The following RAB38 variants were observed in gnomAD, a reference collection of about 807,000 sequenced individuals.
RAB38 encodes ras-related protein Rab-38.
A neutral mutation model predicts 18.4 loss-of-function variants in RAB38; 15 were observed. The ratio of observed to expected loss-of-function variants is 0.82; its 90% CI spans 0.55 to 1.26. The LOEUF (loss-of-function observed/expected upper bound fraction) is 1.26. RAB38 is among the 50% of genes most tolerant of loss of function. The pLI is 0.00. For missense variants in RAB38, 294 were observed against 267.4 expected, an observed-to-expected ratio of 1.10 and a Z score of -0.69; for synonymous variants, 101 against 104.4, an observed-to-expected ratio of 0.97 and a Z score of 0.20.
At position 88,162,117 on chromosome 11, in the gene RAB38, CAG is replaced by C. The variant is rs1943194374; in HGVS notation, c.203-12164_203-12163del. The stretch of plus-strand genomic sequence containing the variant: ...TCAGTGGAAACCCACATACTGAAAT[CAG>C]AGTCAGGCTGACATCCTAGTGATGG... On this transcript the variant is annotated intron_variant, in intron 1 of 2. Coordinates refer to ENST00000243662, the MANE Select transcript of RAB38 (RefSeq NM_022337.3). Among the ~76,000 whole-genome samples, 4 of 152,230 alleles carry C rather than the reference CAG, an allele frequency of 2.6e-5. No homozygotes were observed. In the South Asian group the frequency reaches 8.3e-4, roughly 32 times the overall value.
At chr11:87,903,277 TATAA>T in the RAB38 span, among the ~76,000 whole-genome samples, 1 of 151,588 alleles carries the variant, frequency 6.6e-6, no homozygotes, top group East Asian at 1.9e-4. Flanking sequence ...GGCATATTTT[TATAA>T]ATAAATACAA....
chr11:88,085,251 G>T, the RAB38 span, among the ~76,000 whole-genome samples: 1 of 151,908 alleles, frequency 6.6e-6, no homozygotes, highest in African/African-American at 2.4e-5. Flanking sequence ...TCTCTTGTGG[G>T]TTAACCCTTC....
rs494680 is a variant in RAB38 at position 88,113,428 on chromosome 11, A to G, written c.*560T>C. 17,275 of 153,696 alleles carry G rather than the reference A, an allele frequency of 0.11. 1,506 individuals are homozygous for G. Among genetic ancestry groups the G allele is most frequent in the East Asian group, 0.41 (2,104 of 5,192 alleles). 9.5% of individuals were successfully genotyped at this position (153,696 alleles called of 1,614,324 possible). A position where few individuals can be genotyped will look rare whatever the true frequency, so the allele number is the denominator to read the frequency against. Reference sequence around the variant, plus strand: ...ATTCAGTTAAGCCAACATTCAGGCCATGGCAAGTGACAGTTAGGACAAGGA... The same window carrying G: ...ATTCAGTTAAGCCAACATTCAGGCCGTGGCAAGTGACAGTTAGGACAAGGA... On this transcript the variant is annotated 3_prime_UTR_variant, in exon 3 of 3. Coordinates refer to ENST00000243662, the MANE Select transcript of RAB38 (RefSeq NM_022337.3).
rs1942940011 is a variant in RAB38, at chr11:88,143,327, A to C, written c.483+6348T>G. Among the ~76,000 whole-genome samples the C allele has an allele frequency of 2.6e-5, 4 of 152,376 alleles. No homozygotes were observed. In the East Asian group the frequency reaches 7.7e-4, roughly 29 times the overall value. Reference sequence around the variant, plus strand: ...TTCTTATTTTGAGACATCAGTGGTAAACTTTGAAGCATAAAGGGTCAGATG... The same window carrying C: ...TTCTTATTTTGAGACATCAGTGGTACACTTTGAAGCATAAAGGGTCAGATG... On this transcript the variant is annotated intron_variant, in intron 2 of 2. Transcript: ENST00000243662.
At chr11:87,832,803 T>C in the RAB38 span, among the ~76,000 whole-genome samples, 1 of 151,922 alleles carries the variant, frequency 6.6e-6, no homozygotes, top group South Asian at 2.1e-4. Context: ...GCTTTGTATT[T>C]TAAAGTCCCT....
the RAB38 span, among the ~76,000 whole-genome samples, chr11:88,083,044 T>A: frequency 1.3e-5 from 2 of 151,882 alleles, no homozygotes; most frequent in African/African-American, 4.8e-5. Context: ...TAAGCACGAA[T>A]AGATACGCTC....
chr11:88,158,070 A>C (rs1943147205), intron 1 of RAB38, among the ~76,000 whole-genome samples: 1 of 152,146 alleles, frequency 6.6e-6, no homozygotes, highest in Non-Finnish European at 1.5e-5. Flanking sequence ...AGATCCAAAA[A>C]AGCCCAATCA....
chr11:87,831,412 G>C, the RAB38 span, among the ~76,000 whole-genome samples: 1 of 152,166 alleles, frequency 6.6e-6, no homozygotes, highest in African/African-American at 2.4e-5. Context: ...AAAGAGCATG[G>C]ATCAGGGCCT....
chr11:88,031,034 T>A, the RAB38 span, among the ~76,000 whole-genome samples: 2 of 150,512 alleles, frequency 1.3e-5, no homozygotes, highest in Non-Finnish European at 3.0e-5. Context: ...TCCACCATGA[T>A]CAAGTGGGCT....
At chr11:88,086,101 T>C in the RAB38 span, among the ~76,000 whole-genome samples, 2 of 151,876 alleles carry the variant, frequency 1.3e-5, no homozygotes, top group Non-Finnish European at 2.9e-5. Flanking sequence ...TAATAATATC[T>C]TGTAAGGCTA....
chr11:87,873,151 C>A, the RAB38 span, among the ~76,000 whole-genome samples: 3 of 151,388 alleles, frequency 2.0e-5, no homozygotes, highest in Non-Finnish European at 3.0e-5. Context: ...CTAACAGGTA[C>A]GTAATAATAT....
At chr11:87,878,251 C>CTATCATCTATCTGTCT in the RAB38 span, among the ~76,000 whole-genome samples, 3 of 103,436 alleles carry the variant, frequency 2.9e-5, no homozygotes, top group African/African-American at 1.6e-4. Flanking sequence ...ACACACCTAT[C>CTATCATCTATCTGTCT]ATCTATCTAT....
chr11:87,925,279 A>G, the RAB38 span, among the ~76,000 whole-genome samples: 2 of 152,086 alleles, frequency 1.3e-5, no homozygotes, highest in Non-Finnish European at 2.9e-5. Flanking sequence ...TCAAACGCCA[A>G]TTCTTCTAAA....
chr11:88,075,046 A>C, the RAB38 span, among the ~76,000 whole-genome samples: 3 of 152,324 alleles, frequency 2.0e-5, 1 homozygote, highest in South Asian at 4.1e-4. Context: ...GGAGCACCCA[A>C]ATATACAAAT....
chr11:88,146,061 A>G (rs1490701412), intron 2 of RAB38, among the ~76,000 whole-genome samples: 4 of 152,164 alleles, frequency 2.6e-5, no homozygotes, highest in Admixed American at 2.0e-4. Context: ...AGACACCAAC[A>G]TGTATTTAAT....
the RAB38 span, among the ~76,000 whole-genome samples, chr11:87,910,633 CTTTTTTTTTTTTT>C: frequency 3.8e-5 from 5 of 131,102 alleles, no homozygotes; most frequent in African/African-American, 1.0e-4. Flanking sequence ...AGTTCATTTT[CTTTTTTTTTTTTT>C]TTTTTTTTTT....
chr11:88,146,643 A>G (rs1039693094), intron 2 of RAB38, among the ~76,000 whole-genome samples: 2 of 152,216 alleles, frequency 1.3e-5, no homozygotes, highest in Non-Finnish European at 2.9e-5. Flanking sequence ...AAAGAATTTT[A>G]AAGAAGTTTG....
chr11:88,146,630 TA>T (rs767318514), intron 2 of RAB38, among the ~76,000 whole-genome samples: 1 of 152,202 alleles, frequency 6.6e-6, no homozygotes, highest in Non-Finnish European at 1.5e-5. Context: ...CAGAGATCTT[TA>T]AAAAGAATTT....
At chr11:88,023,557 T>A in the RAB38 span, among the ~76,000 whole-genome samples, 2 of 151,988 alleles carry the variant, frequency 1.3e-5, no homozygotes, top group Admixed American at 1.3e-4. Context: ...ATACTAAAAT[T>A]TCTATAGAAT....
Sources: allele counts gnomAD v4.1 joint callset (sites outside exome capture counted in the v4.1 genomes callset), GRCh38; gene constraint gnomAD v4.1.1; transcripts MANE v1.5; gene names NCBI Gene and HGNC (gene_info 2026-07-23, HGNC 2026-07-21).